Variants in ATP10A observed in about 807,000 individuals in gnomAD.
ATP10A encodes the protein phospholipid-transporting ATPase VA.
ATP10A carries 111 observed loss-of-function variants against 147.8 expected under a neutral mutation model. The ratio of observed to expected loss-of-function variants is 0.75; its 90% CI spans 0.64 to 0.88. The LOEUF (loss-of-function observed/expected upper bound fraction) is 0.88, where lower values mean the gene tolerates loss of function less well. Ranked by LOEUF, ATP10A falls within the 40% of genes least tolerant of loss-of-function variation. The pLI is 0.00. For missense variants in ATP10A, 1,927 were observed against 1,959.0 expected (o/e 0.98, Z 0.31); for synonymous variants, 875 against 841.6 (o/e 1.04, Z -0.69).
At chr15:25,824,002 C>T (rs1892001936) in intron 1 of ATP10A, among the ~76,000 whole-genome samples, 1 of 152,190 alleles carries the variant, frequency 6.6e-6, no homozygotes, top group Non-Finnish European at 1.5e-5. Context: ...AGCAGAACAG[C>T]ATGCCTACAT....
rs552769611 is a variant in ATP10A at position 25,725,782 on chromosome 15, A to T, written c.979+169T>A. On this transcript the variant is annotated intron_variant, in intron 5 of 20. Transcript: ENST00000555815. ...CCCGAGTAGCTGGGACTACAGGCAC[A>T]TTTTTTTTGTATTTTTAGTAGAGAT... Among the ~76,000 whole-genome samples, 3 of 151,308 alleles carry T rather than the reference A, an allele frequency of 2.0e-5. No homozygotes were observed. The South Asian group carries it at 6.3e-4, about 32-fold the overall frequency.
intron 2 of ATP10A, among the ~76,000 whole-genome samples, chr15:25,743,851 T>A (rs148354892): frequency 1.3e-5 from 2 of 152,302 alleles, no homozygotes; most frequent in Admixed American, 6.5e-5. Flanking sequence ...ATTTTTAAAG[T>A]CATCAGTGTG....
chr15:25,740,915 C>T (rs1360328131), intron 2 of ATP10A, among the ~76,000 whole-genome samples: 1 of 152,256 alleles, frequency 6.6e-6, no homozygotes, highest in Non-Finnish European at 1.5e-5. Context: ...AGCACCCATT[C>T]CTGCCACGCA....
chr15:25,777,285 C>T lies in ATP10A; in HGVS notation c.654+3734G>A, dbSNP rs1277536260. On this transcript the variant is annotated intron_variant, in intron 2 of 20. Coordinates refer to ENST00000555815, the MANE Select transcript of ATP10A (RefSeq NM_024490.4). ...GCACCCTCTCAAAGGTGGGGCTCCA[C>T]GGCGCTGCTGTCTAGAGAGCTGTCA... 8.5e-5 allele frequency among the ~76,000 whole-genome samples: 13 copies of T among 152,224 alleles called. No individual in the cohort carries two copies. The East Asian group carries it at 1.6e-3, about 18-fold the overall frequency.
At chr15:25,842,188 C>T (rs1596986853) in intron 1 of ATP10A, among the ~76,000 whole-genome samples, 1 of 152,286 alleles carries the variant, frequency 6.6e-6, no homozygotes, top group Non-Finnish European at 1.5e-5. Flanking sequence ...GGGCCTTGGG[C>T]TCCCACTAGG....
intron 1 of ATP10A, among the ~76,000 whole-genome samples, chr15:25,790,221 A>G (rs751450665): frequency 1.2e-4 from 19 of 152,228 alleles, no homozygotes; most frequent in Non-Finnish European, 2.5e-4. Flanking sequence ...TGATAGTTGG[A>G]GTGCTTTTTC....
intron 1 of ATP10A, among the ~76,000 whole-genome samples, chr15:25,815,016 C>G (rs947892917): frequency 1.4e-4 from 21 of 152,128 alleles, no homozygotes; most frequent in Non-Finnish European, 2.9e-5. Flanking sequence ...CTCAAAGAAT[C>G]AGAATGTCCT....
chr15:25,797,552 ACT>A (rs1416053271), intron 1 of ATP10A, among the ~76,000 whole-genome samples: 1 of 151,840 alleles, frequency 6.6e-6, no homozygotes, highest in East Asian at 1.9e-4. Context: ...GAAATTACAG[ACT>A]CTCTACATAC....
chr15:25,777,785 T>TC (rs939916726), intron 2 of ATP10A, among the ~76,000 whole-genome samples: 16 of 149,016 alleles, frequency 1.1e-4, no homozygotes, highest in Non-Finnish European at 1.9e-4. Flanking sequence ...TTTCTTTCTT[T>TC]TTTTTTTTTT....
intron 2 of ATP10A, among the ~76,000 whole-genome samples, chr15:25,759,092 C>T (rs1363119051): frequency 6.6e-6 from 1 of 152,246 alleles, no homozygotes; most frequent in Non-Finnish European, 1.5e-5. Flanking sequence ...AACCCCTTCC[C>T]CTCCTTTGTC....
At position 25,679,435 on chromosome 15, in the gene ATP10A, C is replaced by G. The variant is rs114768815; in HGVS notation, c.4406G>C (p.Arg1469Pro). The change falls in exon 21 of 21, where the codon CGT (arginine) becomes CCT (proline). Residue 1469 changes from arginine (R) to proline (P), a missense_variant. Coordinates refer to ENST00000555815, the MANE Select transcript of ATP10A (RefSeq NM_024490.4). ...TEQLADGQAG[R>P]GLPVQPHSGR... ...TGAGTGGGGCTGGACAGGAAGTCCA[C>G]GTCCCGCTTGTCCATCTGCAAGCTG... 492 of 1,613,982 alleles carry G rather than the reference C, an allele frequency of 3.0e-4. 4 individuals carry two copies. The African/African-American group carries it at 5.9e-3, about 19-fold the overall frequency.
chr15:25,712,627 AG>A (rs1388142810), intron 10 of ATP10A, among the ~76,000 whole-genome samples: 3 of 152,228 alleles, frequency 2.0e-5, no homozygotes, highest in African/African-American at 7.2e-5. Flanking sequence ...GATTTTCAGA[AG>A]AAGCTTCCTA....
At chr15:25,792,375 G>A (rs568573310) in intron 1 of ATP10A, among the ~76,000 whole-genome samples, 38 of 152,174 alleles carry the variant, frequency 2.5e-4, no homozygotes, top group Non-Finnish European at 4.6e-4. Flanking sequence ...TCTCTGCAAA[G>A]ACAGTGGCCA....
rs542698001 is a variant in ATP10A at position 25,810,342 on chromosome 15, C to T, written c.450-29119G>A. Among the ~76,000 whole-genome samples, 14 of 152,314 alleles carry T rather than the reference C, an allele frequency of 9.2e-5. No homozygotes were observed. In the South Asian group the frequency reaches 2.3e-3, roughly 25 times the overall value. Reference sequence around the variant, plus strand: ...GAGGACAGCTCTGTGAGTCACCTACCGGGACCAAGCCCTAGGTACCTGCAC... The same window carrying T: ...GAGGACAGCTCTGTGAGTCACCTACTGGGACCAAGCCCTAGGTACCTGCAC... On this transcript the variant is annotated intron_variant, in intron 1 of 20. Coordinates refer to ENST00000555815, the MANE Select transcript of ATP10A (RefSeq NM_024490.4).
At chr15:25,852,568 C>T (rs75091697) in intron 1 of ATP10A, among the ~76,000 whole-genome samples, 3 of 51,684 alleles carry the variant, frequency 5.8e-5, no homozygotes, top group African/African-American at 9.3e-5. Context: ...CTCCGAAGTT[C>T]CCTTCTCTCC....
rs778064004 is a variant in ATP10A at position 25,708,206 on chromosome 15, G to C, written c.2439C>G (p.Ile813Met). The change falls in exon 11 of 21, where the codon ATC (isoleucine) becomes ATG (methionine). Residue 813 changes from isoleucine to methionine, a missense_variant. Coordinates refer to ENST00000555815, the MANE Select transcript of ATP10A (RefSeq NM_024490.4). ...YAAEGLRTLC[I>M]AKRVLSKEEY... ...AGACACCCCCACTCACTCTCTTGGCGATGCACAAGGTGCGCAGGCCTTCCG... is the reference window on the plus strand; with the variant it reads ...AGACACCCCCACTCACTCTCTTGGCCATGCACAAGGTGCGCAGGCCTTCCG... The C allele has an allele frequency of 1.2e-6, 2 of 1,614,206 alleles. No individual in the cohort carries two copies. Among genetic ancestry groups the C allele is most frequent in the South Asian group, 2.2e-5 (2 of 91,080 alleles).
At chr15:25,842,168 G>C (rs1892836653) in intron 1 of ATP10A, among the ~76,000 whole-genome samples, 1 of 152,174 alleles carries the variant, frequency 6.6e-6, no homozygotes, top group Non-Finnish European at 1.5e-5. Flanking sequence ...TGGTGGCTTG[G>C]GTGTGGAGCG....
chr15:25,738,025 A>G (rs1337038269), intron 2 of ATP10A, among the ~76,000 whole-genome samples: 5 of 152,216 alleles, frequency 3.3e-5, no homozygotes. Flanking sequence ...AGGCCCCAGT[A>G]AACGAATACA....
At chr15:25,815,206 T>C (rs1891598434) in intron 1 of ATP10A, among the ~76,000 whole-genome samples, 2 of 152,088 alleles carry the variant, frequency 1.3e-5, no homozygotes, top group African/African-American at 4.8e-5. Flanking sequence ...CACAAATAAA[T>C]GCCTACTCAC....
Sources: allele counts gnomAD v4.1 joint callset (sites outside exome capture counted in the v4.1 genomes callset), GRCh38; gene constraint gnomAD v4.1.1; transcripts MANE v1.5; gene names NCBI Gene and HGNC (gene_info 2026-07-23, HGNC 2026-07-21).